SH3RF3: variants seen among roughly 807,000 people sequenced by gnomAD.
SH3RF3 encodes SH3 domain containing ring finger 3.
Under a neutral mutation model 66.3 loss-of-function variants are expected in SH3RF3, and 29 were observed. The ratio of observed to expected loss-of-function variants is 0.44; its 90% confidence interval spans 0.33 to 0.60. The LOEUF (loss-of-function observed/expected upper bound fraction) is 0.60, where lower values mean the gene tolerates loss of function less well. Among genes scored for constraint, SH3RF3 ranks in the 20% least tolerant of loss-of-function variants. The pLI is 0.04. For synonymous variants in SH3RF3, 583 were observed against 532.0 expected (o/e 1.10, Z -1.32); for missense variants, 1,194 against 1,190.9 (o/e 1.00, Z -0.04).
At chr2:109,274,974 G>T (rs1411745883) in intron 1 of SH3RF3, among the ~76,000 whole-genome samples, 3 of 152,000 alleles carry the variant, frequency 2.0e-5, no homozygotes, top group African/African-American at 7.3e-5. Flanking sequence ...CCTGTTATAT[G>T]AATTTTGCAT....
At chr2:109,195,642 C>T (rs1283796732) in intron 1 of SH3RF3, among the ~76,000 whole-genome samples, 1 of 152,226 alleles carries the variant, frequency 6.6e-6, no homozygotes, top group Non-Finnish European at 1.5e-5. Flanking sequence ...CCGCAGGCAG[C>T]CTCTGACCGT....
At chr2:109,422,866 A>G (rs1374094164) in intron 5 of SH3RF3, among the ~76,000 whole-genome samples, 5 of 152,104 alleles carry the variant, frequency 3.3e-5, no homozygotes, top group African/African-American at 9.7e-5. Flanking sequence ...GCATAGGGCT[A>G]CCCTGCAGGA....
intron 1 of SH3RF3, among the ~76,000 whole-genome samples, chr2:109,239,737 G>A (rs989934111): frequency 3.9e-5 from 6 of 152,190 alleles, no homozygotes; most frequent in Non-Finnish European, 5.9e-5. Flanking sequence ...CTTAAATGGA[G>A]CCACCTGTGG....
chr2:109,442,115 TC>T (rs1319847143), intron 7 of SH3RF3, among the ~76,000 whole-genome samples: 2 of 152,010 alleles, frequency 1.3e-5, no homozygotes, highest in Non-Finnish European at 2.9e-5. Flanking sequence ...ATTGAGACCA[TC>T]CTGGCTAACA....
intron 8 of SH3RF3, among the ~76,000 whole-genome samples, chr2:109,471,305 C>G (rs1678501947): frequency 6.6e-6 from 1 of 151,526 alleles, no homozygotes; most frequent in African/African-American, 2.4e-5. Context: ...GCTGGGGGTG[C>G]CACAGGAAAC....
intron 8 of SH3RF3, among the ~76,000 whole-genome samples, chr2:109,484,609 C>T (rs1045329720): frequency 1.3e-5 from 2 of 152,194 alleles, no homozygotes; most frequent in African/African-American, 4.8e-5. Context: ...CCTGGTCCAT[C>T]ATATCTAGTA....
chr2:109,238,465 G>A (rs1679700692), intron 1 of SH3RF3, among the ~76,000 whole-genome samples: 1 of 112,694 alleles, frequency 8.9e-6, no homozygotes, highest in African/African-American at 6.2e-5. Flanking sequence ...GTGTGTGTGT[G>A]TGTGTGTGTG....
intron 1 of SH3RF3, among the ~76,000 whole-genome samples, chr2:109,261,081 G>A (rs564032482): frequency 4.7e-4 from 72 of 152,308 alleles, no homozygotes; most frequent in African/African-American, 1.6e-3. Flanking sequence ...TGTCTTACAC[G>A]GGTCCATTTC....
In SH3RF3 at chr2:109,129,620, C is replaced by A; in HGVS notation, c.80C>A (p.Pro27Gln). 1 of 1,490,320 alleles carries A rather than the reference C, an allele frequency of 6.7e-7. No homozygotes were observed. The highest frequency in any genetic ancestry group is 2.2e-5 in the Admixed American group (1 of 44,978). 92.3% of individuals were successfully genotyped at this position (1,490,320 alleles called of 1,614,324 possible). A position where few individuals can be genotyped will look rare whatever the true frequency, so the allele number is the denominator to read the frequency against. ...AAQSEGDEDRPGERRRRRAAA... is the reference protein window; with the variant it reads ...AAQSEGDEDRQGERRRRRAAA... ...CAGAGCGAGGGCGACGAGGACAGGC[C>A]AGGCGAGCGACGGCGGCGTCGGGCG... Residue 27 changes from proline to glutamine, a missense_variant, in exon 1 of 10, where the codon CCA becomes CAA. Transcript: ENST00000309415.
At chr2:109,261,602 T>G (rs1368729602) in intron 1 of SH3RF3, among the ~76,000 whole-genome samples, 1 of 152,178 alleles carries the variant, frequency 6.6e-6, no homozygotes, top group African/African-American at 2.4e-5. Context: ...AGAAGTGGCA[T>G]GGGGCTGCAG....
intron 9 of SH3RF3, among the ~76,000 whole-genome samples, chr2:109,495,608 T>C (rs1343659497): frequency 2.2e-5 from 3 of 138,538 alleles, no homozygotes; most frequent in African/African-American, 5.3e-5. Flanking sequence ...TGTGCCCAGC[T>C]TCCCAAGTAG....
chr2:109,133,001 A>G (rs1216833853), intron 1 of SH3RF3, among the ~76,000 whole-genome samples: 2 of 152,258 alleles, frequency 1.3e-5, no homozygotes, highest in African/African-American at 4.8e-5. Flanking sequence ...CCTATACAGA[A>G]CATCTTCTGC....
At chr2:109,207,630 C>T (rs377536808) in intron 1 of SH3RF3, among the ~76,000 whole-genome samples, 8 of 151,982 alleles carry the variant, frequency 5.3e-5, no homozygotes, top group African/African-American at 1.7e-4. Context: ...AGATTGTTTC[C>T]AGGGGTGCAG....
At chr2:109,286,346 G>A (rs373398242) in intron 1 of SH3RF3, among the ~76,000 whole-genome samples, 4 of 152,310 alleles carry the variant, frequency 2.6e-5, no homozygotes, top group East Asian at 3.9e-4. Flanking sequence ...TGCTGCCCAC[G>A]CAGTGGTCAC....
intron 1 of SH3RF3, among the ~76,000 whole-genome samples, chr2:109,158,133 C>T (rs1170978105): frequency 6.6e-6 from 1 of 152,010 alleles, no homozygotes; most frequent in Non-Finnish European, 1.5e-5. Flanking sequence ...AGTAAGGTGC[C>T]AAGACAGGAC....
chr2:109,315,227 G>T (rs1312973676), intron 1 of SH3RF3, among the ~76,000 whole-genome samples: 1 of 152,202 alleles, frequency 6.6e-6, no homozygotes, highest in African/African-American at 2.4e-5. Context: ...TGAGTGGAGA[G>T]GGCTATAGTC....
intron 1 of SH3RF3, among the ~76,000 whole-genome samples, chr2:109,229,315 T>A (rs931770784): frequency 1.3e-5 from 2 of 152,256 alleles, no homozygotes; most frequent in African/African-American, 4.8e-5. Flanking sequence ...CCTCTGTTGT[T>A]AACACCTTAC....
Position 109,361,088 on chromosome 2 carries a change from G to A in SH3RF3, c.850-10498G>A, listed in dbSNP as rs148737889. Among the ~76,000 whole-genome samples, 1,030 of 152,260 alleles carry A rather than the reference G, an allele frequency of 6.8e-3. 11 individuals are homozygous for A. Among genetic ancestry groups the A allele is most frequent in the African/African-American group, 0.023 (947 of 41,546 alleles). On this transcript the variant is annotated intron_variant, in intron 2 of 9. Coordinates refer to ENST00000309415, the MANE Select transcript of SH3RF3 (RefSeq NM_001099289.3). ...TCTGTATTTACTGATATGAGCATGT[G>A]ATTTTTCTTCTTTAGCCTGTGGATA...
At chr2:109,477,438 T>C (rs1678712914) in intron 8 of SH3RF3, among the ~76,000 whole-genome samples, 1 of 152,130 alleles carries the variant, frequency 6.6e-6, no homozygotes, top group African/African-American at 2.4e-5. Context: ...AACCTCAAAG[T>C]CCCGAAACGG....
Sources: gnomAD v4.1 joint callset for allele counts (sites outside exome capture counted in the v4.1 genomes callset) on GRCh38, gnomAD v4.1.1 for gene constraint, MANE v1.5 for transcripts, NCBI Gene and HGNC (gene_info 2026-07-23, HGNC 2026-07-21) for gene names.